ERCC6: variants seen among roughly 807,000 people sequenced by gnomAD.
The protein encoded by ERCC6 is ERCC excision repair 6, chromatin remodeling factor.
Under a neutral mutation model 158.7 loss-of-function variants are expected in ERCC6, and 116 were observed. That is an observed-to-expected ratio of 0.73 (90% CI 0.63 to 0.85). The LOEUF is 0.85. ERCC6 is among the 40% of genes least tolerant of loss of function. ERCC6 has a pLI of 0.00. For missense variants in ERCC6, 1,698 were observed against 1,799.4 expected, an observed-to-expected ratio of 0.94 and a Z score of 1.02; for synonymous variants, 678 against 659.3, an observed-to-expected ratio of 1.03 and a Z score of -0.43.
chr10:49,526,413 C>T (rs985157473), intron 4 of ERCC6, among the ~76,000 whole-genome samples: 2 of 151,796 alleles, frequency 1.3e-5, no homozygotes, highest in Non-Finnish European at 2.9e-5. Flanking sequence ...TCCAGTCTTT[C>T]GCCCATTTTT....
intron 5 of ERCC6, among the ~76,000 whole-genome samples, chr10:49,507,102 G>A (rs1851457038): frequency 6.6e-6 from 1 of 152,152 alleles, no homozygotes; most frequent in Admixed American, 6.6e-5. Flanking sequence ...CCTGGCCAAA[G>A]GTATGGTGTG....
intron 1 of ERCC6, among the ~76,000 whole-genome samples, chr10:49,536,802 G>A (rs1013828182): frequency 6.6e-6 from 1 of 152,138 alleles, no homozygotes; most frequent in Non-Finnish European, 1.5e-5. Flanking sequence ...AGCAGAAATG[G>A]TAGCGCAAAA....
chr10:49,459,211 T>A lies in ERCC6; in HGVS notation c.4086A>T (p.Gly1362=). The A allele has an allele frequency of 6.2e-7, 1 of 1,614,178 alleles. No homozygotes were observed. The highest frequency in any genetic ancestry group is 1.1e-5 in the South Asian group (1 of 91,078). ...KCQDGIMKKE[G]KDNVPEHFSG... is the part of the protein sequence containing the mutation. ...TAAAATGCTCAGGGACATTATCTTT[T>A]CCCTCCTTTTTCATGATGCCATCCT... The change falls in exon 21 of 21, where the codon GGA becomes GGT. Residue 1362 remains glycine (G), a synonymous_variant. Transcript: ENST00000355832.
chr10:49,454,002 A>C (rs1231719334), downstream of ERCC6, among the ~76,000 whole-genome samples: 1 of 152,152 alleles, frequency 6.6e-6, no homozygotes, highest in Non-Finnish European at 1.5e-5. Flanking sequence ...TTTTCAATCA[A>C]TTTGGAGAGT....
chr10:49,472,559 T>C lies in ERCC6; in HGVS notation c.2830-89A>G. 9 of 1,334,376 alleles carry C rather than the reference T, an allele frequency of 6.7e-6. No individual in the cohort carries two copies. In the South Asian group the frequency reaches 1.1e-4, roughly 16 times the overall value. The allele number at this position is 1,334,376 out of a possible 1,614,324, so 82.7% of individuals were successfully genotyped here. On this transcript the variant is annotated intron_variant, in intron 15 of 20. Transcript: ENST00000355832. ...GAAACAAAGCTAGCTGGTCACTACCTGTCACTCCCAGAGTTAGAATTTTGA... is the reference window on the plus strand; with the variant it reads ...GAAACAAAGCTAGCTGGTCACTACCCGTCACTCCCAGAGTTAGAATTTTGA...
chr10:49,437,356 G>C, the ERCC6 span, among the ~76,000 whole-genome samples: 1 of 152,182 alleles, frequency 6.6e-6, no homozygotes. Flanking sequence ...AAACACACCA[G>C]TATAACATTG....
At chr10:49,527,296 C>T (rs1837362721) in intron 4 of ERCC6, among the ~76,000 whole-genome samples, 1 of 152,212 alleles carries the variant, frequency 6.6e-6, no homozygotes, top group Non-Finnish European at 1.5e-5. Context: ...GAACAAACAT[C>T]TGTTATCAAT....
intron 18 of ERCC6, among the ~76,000 whole-genome samples, chr10:49,464,249 G>A (rs766106661): frequency 1.4e-4 from 21 of 152,178 alleles, no homozygotes; most frequent in South Asian, 2.1e-4. Flanking sequence ...AGAGACAGGC[G>A]GCATTTTGCC....
chr10:49,521,701 G>C (rs551004388), intron 5 of ERCC6, among the ~76,000 whole-genome samples: 2 of 152,210 alleles, frequency 1.3e-5, no homozygotes, highest in African/African-American at 2.4e-5. Flanking sequence ...CAGTGCAGAG[G>C]AGGAGGCAGG....
At chr10:49,508,900 G>T (rs1039578352) in intron 5 of ERCC6, among the ~76,000 whole-genome samples, 1 of 152,138 alleles carries the variant, frequency 6.6e-6, no homozygotes, top group Non-Finnish European at 1.5e-5. Flanking sequence ...ACGCTGCCAA[G>T]AGACTTTAAG....
intron 6 of ERCC6, chr10:49,504,168 TG>T (rs1375964734): frequency 6.6e-6 from 1 of 150,554 alleles, no homozygotes; most frequent in Non-Finnish European, 1.5e-5. Context: ...AAAATTAAAT[TG>T]GCCCCGCTAA....
At position 49,473,013 on chromosome 10, in the gene ERCC6, C is replaced by T. The variant is rs777226382; in HGVS notation, c.2725G>A (p.Val909Met). The T allele has an allele frequency of 1.9e-6, 3 of 1,614,122 alleles. No homozygotes were observed. Among genetic ancestry groups the T allele is most frequent in the East Asian group, 4.5e-5 (2 of 44,856 alleles). ...TRYNEDTSIF[V>M]FLLTTRVGGL... is the part of the protein sequence containing the mutation. ...CCCACCCGCGTGGTCAGAAGAAACA[C>T]AAATATGGATGTGTCCTAGAGGTAA... Residue 909 changes from valine (V) to methionine (M), a missense_variant, in exon 15 of 21, where the codon GTG becomes ATG. Coordinates refer to ENST00000355832, the MANE Select transcript of ERCC6 (RefSeq NM_000124.4).
chr10:49,533,282 A>C (rs1481090966), intron 1 of ERCC6, among the ~76,000 whole-genome samples: 2 of 152,242 alleles, frequency 1.3e-5, no homozygotes, highest in African/African-American at 4.8e-5. Context: ...ATATTCTTCA[A>C]AACAGCTGAA....
chr10:49,460,365 T>TAG lies in ERCC6; in HGVS notation c.4062+7_4062+8insCT. 6.2e-7 allele frequency: 1 copy of TAG among 1,601,720 alleles called. No homozygotes were observed. ...CACCCTGGAAAGCAAAAAGGTTATC[T>TAG]ATATTACCTGGCACTTCTCTGTTGG... On this transcript the variant is annotated splice_region_variant and intron_variant, in intron 20 of 20. Transcript: ENST00000355832.
rs1837595862 is a variant in ERCC6 at position 49,536,247 on chromosome 10, T to C, written c.-15+2715A>G. On this transcript the variant is annotated intron_variant, in intron 1 of 20. Coordinates refer to ENST00000355832, the MANE Select transcript of ERCC6 (RefSeq NM_000124.4). ...GAGAGTGGCCTGTCCTTTAAAGAGC[T>C]TGCCTCTGGCAGGGAGACAGCTACA... 1.3e-5 allele frequency among the ~76,000 whole-genome samples: 2 copies of C among 152,160 alleles called. 1 individual carries two copies. Among genetic ancestry groups the C allele is most frequent in the East Asian group, 3.9e-4 (2 of 5,192 alleles).
chr10:49,476,433 T>A (rs760635712), intron 11 of ERCC6, 123 bp from the exon 12 acceptor site: 5 of 674,366 alleles, frequency 7.4e-6, no homozygotes, highest in Non-Finnish European at 1.0e-5. Flanking sequence ...GATATCCCTA[T>A]TATTAATATT....
rs1418561890 is a variant in ERCC6 at position 49,524,349 on chromosome 10, G to T, written c.1081C>A (p.Pro361Thr). The change falls in exon 5 of 21, where the codon CCA (proline) becomes ACA (threonine). Residue 361 changes from proline to threonine, a missense_variant. By Grantham distance (38) the Pro-to-Thr change is conservative. Coordinates refer to ENST00000355832, the MANE Select transcript of ERCC6 (RefSeq NM_000124.4). ...CCCTCAGAGTCTCCCTCTGCCTCTG[G>T]CCTCATGTCTGACTCCCAAGGTCTC... Reference protein sequence around the residue: ...ARRPWESDMRPEAEGDSEGEE... With the variant: ...ARRPWESDMRTEAEGDSEGEE... 1 of 1,613,880 alleles carries T rather than the reference G, an allele frequency of 6.2e-7. No homozygotes were observed. The highest frequency in any genetic ancestry group is 1.3e-5 in the African/African-American group (1 of 74,856).
chr10:49,511,312 T>C (rs1365933808), intron 5 of ERCC6, among the ~76,000 whole-genome samples: 1 of 152,206 alleles, frequency 6.6e-6, no homozygotes, highest in African/African-American at 2.4e-5. Context: ...TTTACATTAC[T>C]AGGAAGGAAA....
chr10:49,454,144 TCTC>T (rs1429341697), downstream of ERCC6, among the ~76,000 whole-genome samples: 1 of 149,934 alleles, frequency 6.7e-6, no homozygotes, highest in East Asian at 2.0e-4. Context: ...TCATTTTTTT[TCTC>T]TCTGTTCTTT....
Sources: gnomAD v4.1 joint callset for allele counts (sites outside exome capture counted in the v4.1 genomes callset) on GRCh38, gnomAD v4.1.1 for gene constraint, MANE v1.5 for transcripts, NCBI Gene and HGNC (gene_info 2026-07-23, HGNC 2026-07-21) for gene names.